The following ABL1 variants were observed in gnomAD, a reference collection of about 807,000 sequenced individuals.
ABL1 encodes the protein ABL proto-oncogene 1, non-receptor tyrosine kinase, also known as tyrosine-protein kinase ABL1.
ABL1 carries 11 observed loss-of-function variants against 94.7 expected under a neutral mutation model. The observed-to-expected ratio is 0.12, with a 90% CI of 0.07 to 0.19. The LOEUF (loss-of-function observed/expected upper bound fraction) is 0.19, where lower values mean the gene tolerates loss of function less well. Ranked by LOEUF, ABL1 falls within the 10% of genes least tolerant of loss-of-function variation. The pLI, the probability that ABL1 is intolerant of heterozygous loss-of-function variation, is 1.00. For synonymous variants in ABL1, 656 were observed against 622.4 expected, an observed-to-expected ratio of 1.05 and a Z score of -0.80; for missense variants, 1,082 against 1,489.4, an observed-to-expected ratio of 0.73 and a Z score of 4.50.
chr9:130,850,320 A>C (rs1236685059), intron 1 of ABL1, among the ~76,000 whole-genome samples: 1 of 152,192 alleles, frequency 6.6e-6, no homozygotes, highest in Non-Finnish European at 1.5e-5. Context: ...TAGGTGTAAG[A>C]CAACAGTAAA....
At chr9:130,827,964 TA>T (rs61348238) in intron 1 of ABL1, among the ~76,000 whole-genome samples, 17 of 146,246 alleles carry the variant, frequency 1.2e-4, no homozygotes, top group Non-Finnish European at 1.7e-4. Context: ...AAATACTGCT[TA>T]AAAAAAAAAG....
At chr9:130,838,590 T>G (rs1487925530) in intron 1 of ABL1, among the ~76,000 whole-genome samples, 1 of 152,296 alleles carries the variant, frequency 6.6e-6, no homozygotes, top group African/African-American at 2.4e-5. Flanking sequence ...TTATAACATG[T>G]GAATTTTGCT....
At chr9:130,842,500 G>A (rs1366004565) in intron 1 of ABL1, among the ~76,000 whole-genome samples, 3 of 152,150 alleles carry the variant, frequency 2.0e-5, no homozygotes, top group Admixed American at 6.5e-5. Context: ...AAGACAGGCC[G>A]TGAATACAAT....
chr9:130,761,610 C>T (rs1336055593), intron 1 of ABL1, among the ~76,000 whole-genome samples: 1 of 152,244 alleles, frequency 6.6e-6, no homozygotes, highest in Non-Finnish European at 1.5e-5. Context: ...CACAGGATTT[C>T]TTTTCCGCAT....
intron 1 of ABL1, among the ~76,000 whole-genome samples, chr9:130,742,446 T>C (rs1340322227): frequency 6.6e-6 from 1 of 152,200 alleles, no homozygotes; most frequent in African/African-American, 2.4e-5. Context: ...TTACTAGATT[T>C]ACAGATGATG....
At chr9:130,837,325 C>G (rs1285651890) in intron 1 of ABL1, among the ~76,000 whole-genome samples, 1 of 152,194 alleles carries the variant, frequency 6.6e-6, no homozygotes, top group African/African-American at 2.4e-5. Context: ...ATCATCATCT[C>G]CACTTTGCAG....
Position 130,747,879 on chromosome 9 carries a change from G to A in ABL1, c.136+33424G>A, listed in dbSNP as rs140728785. Among the ~76,000 whole-genome samples, 608 of 152,288 alleles carry A rather than the reference G, an allele frequency of 4.0e-3. 2 individuals carry two copies. The highest frequency in any genetic ancestry group is 0.014 in the African/African-American group (581 of 41,560). ...AATTAGGACTGGCATATCTTTTGGA[G>A]GCCCATTTTTTAGCCTACTACACTT... On this transcript the variant is annotated intron_variant, in intron 1 of 10. Transcript: ENST00000372348.
At chr9:130,752,172 T>C (rs1831974851) in intron 1 of ABL1, among the ~76,000 whole-genome samples, 1 of 152,180 alleles carries the variant, frequency 6.6e-6, no homozygotes, top group Non-Finnish European at 1.5e-5. Flanking sequence ...TAAGCACCAT[T>C]AACCAGATAA....
chr9:130,820,565 G>A (rs1041746937), intron 1 of ABL1, among the ~76,000 whole-genome samples: 4 of 152,154 alleles, frequency 2.6e-5, no homozygotes, highest in East Asian at 1.9e-4. Flanking sequence ...TGCACTGGGC[G>A]TTGGGAGGAG....
chr9:130,787,224 G>T (rs1487871143), intron 1 of ABL1, among the ~76,000 whole-genome samples: 1 of 152,162 alleles, frequency 6.6e-6, no homozygotes, highest in African/African-American at 2.4e-5. Context: ...AGAGGATGGG[G>T]ACTTTCTTGG....
chr9:130,812,696 A>G (rs138922378), intron 1 of ABL1, among the ~76,000 whole-genome samples: 2 of 152,042 alleles, frequency 1.3e-5, no homozygotes, highest in African/African-American at 2.4e-5. Context: ...TCAAGGAGAA[A>G]TAAATCTGTA....
rs371656033 is a variant in ABL1 at position 130,885,142 on chromosome 9, C to T, written c.2852C>T (p.Pro951Leu). The T allele has an allele frequency of 6.8e-6, 11 of 1,612,786 alleles. No individual in the cohort carries two copies. Among genetic ancestry groups the T allele is most frequent in the African/African-American group, 2.7e-5 (2 of 74,916 alleles). The change falls in exon 11 of 11, where the codon CCG (proline) becomes CTG (leucine). Residue 951 changes from proline to leucine, a missense_variant. This residue lies in a region of ABL1 where 780 missense variants were observed against 835.8 expected (regional missense o/e 0.93). Transcript: ENST00000318560. ...VNSDAAKPSQ[P>L]GEGLKKPVLP... The stretch of plus-strand genomic sequence containing the variant: ...AGTGACGCTGCCAAGCCCAGCCAGC[C>T]GGGAGAGGGCCTCAAAAAGCCCGTG...
chr9:130,854,664 T>A, intron 2 of ABL1, 137 bp from the exon 3 acceptor site: 1 of 918,018 alleles, frequency 1.1e-6, no homozygotes, highest in Non-Finnish European at 1.6e-6. Context: ...TATAAATGCA[T>A]ATCTTTATGT....
intron 1 of ABL1, among the ~76,000 whole-genome samples, chr9:130,774,844 AAAAG>A (rs1832293537): frequency 6.6e-6 from 1 of 152,198 alleles, no homozygotes; most frequent in East Asian, 1.9e-4. Context: ...CCTATCTCAA[AAAAG>A]AAAGAAAGAA....
Position 130,862,969 on chromosome 9 carries a change from G to A in ABL1, c.756G>A (p.Gln252=), listed in dbSNP as rs121913458. 1 of 1,614,098 alleles carries A rather than the reference G, an allele frequency of 6.2e-7. No homozygotes were observed. The highest frequency in any genetic ancestry group is 1.3e-5 in the African/African-American group (1 of 74,932). Reference sequence around the variant, plus strand: ...TGAAGCACAAGCTGGGCGGGGGCCAGTACGGGGAGGTGTACGAGGGCGTGT... The same window carrying A: ...TGAAGCACAAGCTGGGCGGGGGCCAATACGGGGAGGTGTACGAGGGCGTGT... ...ITMKHKLGGG[Q]YGEVYEGVWK... is the part of the protein sequence containing the mutation. Residue 252 remains glutamine, a synonymous_variant, in exon 4 of 11, where the codon CAG becomes CAA. Transcript: ENST00000318560. This position sits in a 1 kb window ranked among gnomAD's most constrained non-coding sequence, Gnocchi z 5.5.
At chr9:130,730,294 G>A (rs1014944678) in intron 1 of ABL1, among the ~76,000 whole-genome samples, 13 of 151,896 alleles carry the variant, frequency 8.6e-5, no homozygotes, top group African/African-American at 2.2e-4. Flanking sequence ...CGCCCACCTC[G>A]GCCTCCCAAA....
intron 1 of ABL1, among the ~76,000 whole-genome samples, chr9:130,737,395 A>T (rs1360181824): frequency 6.6e-6 from 1 of 150,646 alleles, no homozygotes; most frequent in Non-Finnish European, 1.5e-5. Flanking sequence ...AGCCTCCCAA[A>T]TAGCTGGGAC....
At chr9:130,881,253 G>A (rs1321494453) in intron 10 of ABL1, among the ~76,000 whole-genome samples, 2 of 148,400 alleles carry the variant, frequency 1.3e-5, no homozygotes, top group Non-Finnish European at 2.9e-5. Flanking sequence ...GCCAGGCTCT[G>A]TTCTATGTTC....
intron 1 of ABL1, among the ~76,000 whole-genome samples, chr9:130,768,167 A>G (rs1729373339): frequency 6.6e-6 from 1 of 152,076 alleles, no homozygotes; most frequent in Admixed American, 6.5e-5. Context: ...TATGTGTACA[A>G]CTTCCTGAAC....
Sources: gnomAD v4.1 joint callset for allele counts (sites outside exome capture counted in the v4.1 genomes callset) on GRCh38, gnomAD v4.1.1 for gene constraint, gnomAD v4.1.1 regional missense constraint, Gnocchi (gnomAD v3.1) non-coding constraint, MANE v1.5 for transcripts, NCBI Gene and HGNC (gene_info 2026-07-23, HGNC 2026-07-21) for gene names.